Variants in AKIRIN2 observed in about 807,000 individuals in gnomAD.
AKIRIN2 encodes akirin-2.
Under a neutral mutation model 29.3 loss-of-function variants are expected in AKIRIN2, and 6 were observed. The ratio of observed to expected loss-of-function variants is 0.20; its 90% CI spans 0.11 to 0.40. AKIRIN2 has a LOEUF of 0.40. AKIRIN2 is among the 10% of genes least tolerant of loss of function. The pLI, the probability that AKIRIN2 is intolerant of heterozygous loss-of-function variation, is 1.00. For synonymous variants in AKIRIN2, 128 were observed against 117.5 expected (o/e 1.09, Z -0.58); for missense variants, 210 against 276.1 (o/e 0.76, Z 1.70).
At chr6:87,684,108 A>AT (rs1363436880) in intron 1 of AKIRIN2, among the ~76,000 whole-genome samples, 6 of 152,164 alleles carry the variant, frequency 3.9e-5, no homozygotes, top group Non-Finnish European at 5.9e-5. Flanking sequence ...CTTGACCTTA[A>AT]TATTTATCTT....
chr6:87,689,788 G>A (rs1475057893), intron 1 of AKIRIN2, among the ~76,000 whole-genome samples: 2 of 152,218 alleles, frequency 1.3e-5, no homozygotes, highest in African/African-American at 4.8e-5. Flanking sequence ...TGGAGCTTAA[G>A]ATTCTACGTT....
intron 2 of AKIRIN2, among the ~76,000 whole-genome samples, chr6:87,681,308 C>T (rs899697634): frequency 6.6e-6 from 1 of 152,186 alleles, no homozygotes; most frequent in African/African-American, 2.4e-5. Context: ...TCCCCAAGTG[C>T]TGGGATTACA....
In AKIRIN2 at chr6:87,675,869, G is replaced by A; in HGVS notation, c.592C>T (p.Pro198Ser). 1 of 1,613,416 alleles carries A rather than the reference G, an allele frequency of 6.2e-7. No individual in the cohort carries two copies. Among genetic ancestry groups the A allele is most frequent in the Non-Finnish European group, 8.5e-7 (1 of 1,179,688 alleles). The change falls in exon 4 of 5, where the codon CCT (proline) becomes TCT (serine). Residue 198 changes from proline to serine, a missense_variant. Physicochemically the swap from Pro to Ser is moderately conservative, Grantham distance 74. Coordinates refer to ENST00000257787, the MANE Select transcript of AKIRIN2 (RefSeq NM_018064.4). ...DQIMRRYGEQ[P>S]ASYVS ...AAGGTGAAATACTTACAGCTAGCAGGCTGTTCTCCATATCGTCGCATTATT... is the reference window on the plus strand; with the variant it reads ...AAGGTGAAATACTTACAGCTAGCAGACTGTTCTCCATATCGTCGCATTATT...
chr6:87,690,206 CAA>C (rs36001292), intron 1 of AKIRIN2, among the ~76,000 whole-genome samples: 2 of 115,184 alleles, frequency 1.7e-5, no homozygotes, highest in Non-Finnish European at 1.8e-5. Context: ...AACTCCATCT[CAA>C]AAAAAAAAAA....
chr6:87,686,884 A>G (rs986380753), intron 1 of AKIRIN2, among the ~76,000 whole-genome samples: 1 of 151,708 alleles, frequency 6.6e-6, no homozygotes, highest in East Asian at 1.9e-4. Context: ...TGTCTCTACT[A>G]AAAATACAAA....
At chr6:87,678,334 C>T (rs1049486018) in intron 2 of AKIRIN2, among the ~76,000 whole-genome samples, 1 of 106,480 alleles carries the variant, frequency 9.4e-6, no homozygotes, top group Admixed American at 1.1e-4. Context: ...CCTGCCTCTA[C>T]TAAAAATACA....
At chr6:87,684,503 C>A (rs916855379) in intron 1 of AKIRIN2, among the ~76,000 whole-genome samples, 1 of 152,172 alleles carries the variant, frequency 6.6e-6, no homozygotes, top group African/African-American at 2.4e-5. Flanking sequence ...CCAAAAACTT[C>A]TCTTGGGCTT....
chr6:87,677,195 C>A (rs1771028793), intron 3 of AKIRIN2, among the ~76,000 whole-genome samples: 2 of 151,860 alleles, frequency 1.3e-5, no homozygotes, highest in Non-Finnish European at 2.9e-5. Context: ...AATAGGATAA[C>A]AAAAGCTAAC....
At chr6:87,686,233 A>G (rs1176284922) in intron 1 of AKIRIN2, among the ~76,000 whole-genome samples, 1 of 152,062 alleles carries the variant, frequency 6.6e-6, no homozygotes, top group East Asian at 1.9e-4. Context: ...ATAAATAAAT[A>G]AGGTAAATGT....
rs565408136 is a variant in AKIRIN2 at position 87,701,469 on chromosome 6, G to C, written c.216C>G (p.Val72=). Residue 72 remains valine (V), a synonymous_variant, in exon 1 of 5, where the codon GTC becomes GTG. Transcript: ENST00000257787. The part of the protein sequence containing the change: ...LRMEPSPFGD[V]SSRLTTEQIL... ...TCCCACCTGTGGTGAGGCGGGAGGA[G>C]ACGTCGCCGAAGGGGGATGGCTCCA... 1 of 1,520,220 alleles carries C rather than the reference G, an allele frequency of 6.6e-7. No individual in the cohort carries two copies. Among genetic ancestry groups the C allele is most frequent in the East Asian group, 2.6e-5 (1 of 37,904 alleles). The allele number at this position is 1,520,220 out of a possible 1,614,324, so 94.2% of individuals were successfully genotyped here. A position where few individuals can be genotyped will look rare whatever the true frequency, so the allele number is the denominator to read the frequency against.
intron 2 of AKIRIN2, among the ~76,000 whole-genome samples, chr6:87,678,373 G>T (rs1283358528): frequency 6.6e-6 from 1 of 151,770 alleles, no homozygotes; most frequent in Non-Finnish European, 1.5e-5. Flanking sequence ...ATGGTGGCGG[G>T]CACCTGTAAT....
chr6:87,695,926 C>T (rs1244211779), intron 1 of AKIRIN2, among the ~76,000 whole-genome samples: 1 of 152,138 alleles, frequency 6.6e-6, no homozygotes, highest in Non-Finnish European at 1.5e-5. Flanking sequence ...ATCTGTAATC[C>T]CAGCACTTTG....
intron 3 of AKIRIN2, among the ~76,000 whole-genome samples, 194 bp downstream of exon 3, chr6:87,677,624 G>A (rs1771042949): frequency 6.6e-6 from 1 of 152,156 alleles, no homozygotes; most frequent in Non-Finnish European, 1.5e-5. Flanking sequence ...TACACGGCTA[G>A]CCAATACTCT....
intron 1 of AKIRIN2, among the ~76,000 whole-genome samples, chr6:87,694,262 T>G (rs893338514): frequency 6.6e-6 from 1 of 152,140 alleles, no homozygotes; most frequent in African/African-American, 2.4e-5. Context: ...GCCTTAACAC[T>G]TTAAGGAAAA....
In AKIRIN2 at chr6:87,701,637, C is replaced by G; in HGVS notation, c.48G>C (p.Leu16=). ...TLKRTLDFDP[L]LSPASPKRRR... is the part of the protein sequence containing the mutation. ...TGCGCTTCGGGGACGCCGGGCTCAA[C>G]AGCGGGTCGAAATCCAGAGTCCTTT... Residue 16 remains leucine, a synonymous_variant, in exon 1 of 5, where the codon CTG becomes CTC. Coordinates refer to ENST00000257787, the MANE Select transcript of AKIRIN2 (RefSeq NM_018064.4). 1 of 1,466,142 alleles carries G rather than the reference C, an allele frequency of 6.8e-7. No individual in the cohort carries two copies. Among genetic ancestry groups the G allele is most frequent in the South Asian group, 1.4e-5 (1 of 69,786 alleles). The allele number at this position is 1,466,142 out of a possible 1,614,324, so 90.8% of individuals were successfully genotyped here.
chr6:87,700,034 CT>C (rs147307376), intron 1 of AKIRIN2, among the ~76,000 whole-genome samples: 138 of 148,200 alleles, frequency 9.3e-4, no homozygotes, highest in African/African-American at 2.1e-3. Context: ...TGGCTGTTTC[CT>C]TTTTTTTTTC....
intron 1 of AKIRIN2, among the ~76,000 whole-genome samples, chr6:87,692,680 C>T (rs1477815697): frequency 6.6e-6 from 1 of 152,114 alleles, no homozygotes; most frequent in Non-Finnish European, 1.5e-5. Context: ...GGTGTGGCGG[C>T]GCACGCCTGT....
intron 1 of AKIRIN2, 28 bp downstream of exon 1, chr6:87,701,422 C>A: frequency 6.5e-7 from 1 of 1,530,860 alleles, no homozygotes; most frequent in Non-Finnish European, 8.8e-7. Context: ...CTCTCCACTA[C>A]CCCGGCGGCC....
At chr6:87,689,919 A>G (rs1771252184) in intron 1 of AKIRIN2, among the ~76,000 whole-genome samples, 1 of 152,210 alleles carries the variant, frequency 6.6e-6, no homozygotes, top group South Asian at 2.1e-4. Flanking sequence ...GCTTAAAATA[A>G]CAACTCTCTT....
Sources: allele counts gnomAD v4.1 joint callset (sites outside exome capture counted in the v4.1 genomes callset), GRCh38; gene constraint gnomAD v4.1.1; transcripts MANE v1.5; gene names NCBI Gene and HGNC (gene_info 2026-07-23, HGNC 2026-07-21).